The following PLD1 variants were observed in gnomAD, a reference collection of about 807,000 sequenced individuals.
PLD1 encodes the protein choline phosphatase 1.
A neutral mutation model predicts 137.1 loss-of-function variants in PLD1; 112 were observed. The ratio of observed to expected loss-of-function variants is 0.82; its 90% CI spans 0.70 to 0.96. PLD1 has a LOEUF of 0.96. PLD1 is among the 40% of genes least tolerant of loss of function. The probability of loss-of-function intolerance (pLI) is 0.00; values close to 1 mark genes in which losing one functional copy is unlikely to be tolerated. For missense variants in PLD1, 1,321 were observed against 1,342.0 expected (o/e 0.98, Z 0.24); for synonymous variants, 431 against 454.7 (o/e 0.95, Z 0.66).
intron 23 of PLD1, among the ~76,000 whole-genome samples, chr3:171,620,772 T>G (rs1296261829): frequency 1.5e-5 from 2 of 136,676 alleles, no homozygotes; most frequent in Non-Finnish European, 3.1e-5. Context: ...ATATATATTA[T>G]ATATATTTTT....
At chr3:171,639,645 A>C (rs1424748797) in intron 23 of PLD1, among the ~76,000 whole-genome samples, 9 of 113,578 alleles carry the variant, frequency 7.9e-5, no homozygotes, top group South Asian at 6.8e-4. Flanking sequence ...AATATATATT[A>C]TATATAATAT....
intron 18 of PLD1, among the ~76,000 whole-genome samples, chr3:171,675,007 A>G (rs1330569976): frequency 6.6e-6 from 1 of 151,182 alleles, no homozygotes; most frequent in African/African-American, 2.4e-5. Flanking sequence ...AAAGAAAAAG[A>G]AAAGAAAAGA....
chr3:171,714,143 A>C, intron 8 of PLD1, 98 bp from the exon 9 acceptor site: 1 of 701,642 alleles, frequency 1.4e-6, no homozygotes, highest in South Asian at 1.9e-5. Context: ...ACTCTGGCAG[A>C]CTGTAGACAT....
At chr3:171,747,437 T>C (rs1400719413) in intron 1 of PLD1, among the ~76,000 whole-genome samples, 1 of 151,936 alleles carries the variant, frequency 6.6e-6, no homozygotes, top group Non-Finnish European at 1.5e-5. Context: ...AATGACTGCT[T>C]TGCCTTCTTC....
intron 21 of PLD1, among the ~76,000 whole-genome samples, chr3:171,648,617 C>T (rs985217383): frequency 6.6e-6 from 1 of 150,982 alleles, no homozygotes; most frequent in Non-Finnish European, 1.5e-5. Flanking sequence ...TGCCGTGGTG[C>T]GATCTCGGCT....
intron 1 of PLD1, among the ~76,000 whole-genome samples, chr3:171,759,350 CAGATACTGA>C (rs1406810157): frequency 6.6e-6 from 1 of 152,168 alleles, no homozygotes; most frequent in Admixed American, 6.5e-5. Flanking sequence ...TGATGATATC[CAGATACTGA>C]AGATACTAAT....
At chr3:171,641,465 C>A (rs1211361828) in intron 23 of PLD1, among the ~76,000 whole-genome samples, 1 of 152,076 alleles carries the variant, frequency 6.6e-6, no homozygotes, top group African/African-American at 2.4e-5. Flanking sequence ...TATTTTCTAC[C>A]CACATTCCAG....
chr3:171,686,688 C>A lies in PLD1; in HGVS notation c.1864G>T (p.Ala622Ser), dbSNP rs2290480. The A allele has an allele frequency of 0.19, 290,980 of 1,510,072 alleles. 29,479 individuals carry two copies. Among genetic ancestry groups the A allele is most frequent in the South Asian group, 0.22 (19,160 of 85,792 alleles). 93.5% of individuals were successfully genotyped at this position (1,510,072 alleles called of 1,614,324 possible). A position where few individuals can be genotyped will look rare whatever the true frequency, so the allele number is the denominator to read the frequency against. ...TGCCACTTCACAAATTACTTACCAG[C>A]ATGAGGTCTAGTGAGTCCTTGCTCA... is the stretch of plus-strand genomic sequence containing the variant. ...ESEQGLTRPH[A>S]DTGSIRSLQT... Residue 622 changes from alanine to serine, a missense_variant, in exon 16 of 27, where the codon GCT (alanine) becomes TCT (serine). Coordinates refer to ENST00000351298, the MANE Select transcript of PLD1 (RefSeq NM_002662.5).
At position 171,644,938 on chromosome 3, in the gene PLD1, G is replaced by C. The variant is rs1736071138; in HGVS notation, c.2515C>G (p.Leu839Val). ...GDISTGGGNA[L>V]QAIMHFNYRT... is the part of the protein sequence containing the mutation. ...TAGTTGAAGTGCATGATTGCCTGTAGAGCATTTCCTCCGCCGGTTGAAATG... is the reference window on the plus strand; with the variant it reads ...TAGTTGAAGTGCATGATTGCCTGTACAGCATTTCCTCCGCCGGTTGAAATG... Residue 839 changes from leucine (L) to valine (V), a missense_variant, in exon 22 of 27, where the codon CTA (leucine) becomes GTA (valine). By Grantham distance (32) the Leu-to-Val change is conservative. Transcript: ENST00000351298. 6.2e-7 allele frequency: 1 copy of C among 1,612,798 alleles called. No individual in the cohort carries two copies. Among genetic ancestry groups the C allele is most frequent in the Non-Finnish European group, 8.5e-7 (1 of 1,178,768 alleles).
At chr3:171,626,225 T>C (rs1391419786) in intron 23 of PLD1, among the ~76,000 whole-genome samples, 2 of 152,282 alleles carry the variant, frequency 1.3e-5, no homozygotes, top group South Asian at 2.1e-4. Flanking sequence ...CAAGAGCCGA[T>C]GCGATCAACT....
At chr3:171,611,452 T>TTACAGC in intron 25 of PLD1, 1 of 373,834 alleles carries the variant, frequency 2.7e-6, no homozygotes, top group South Asian at 2.0e-5. Context: ...ACGTGGACAG[T>TTACAGC]TACAGCGCAG....
intron 12 of PLD1, among the ~76,000 whole-genome samples, chr3:171,697,557 C>A (rs1188134505): frequency 6.6e-6 from 1 of 152,136 alleles, no homozygotes; most frequent in Non-Finnish European, 1.5e-5. Flanking sequence ...AAAGCCTCTG[C>A]ATCCCAGCTG....
At chr3:171,637,399 C>T (rs1038652574) in intron 23 of PLD1, among the ~76,000 whole-genome samples, 1 of 113,738 alleles carries the variant, frequency 8.8e-6, no homozygotes, top group East Asian at 2.6e-4. Context: ...CCACGCCCAG[C>T]TAATTTTTGC....
At chr3:171,678,307 G>T (rs1036594391) in intron 16 of PLD1, among the ~76,000 whole-genome samples, 1 of 152,172 alleles carries the variant, frequency 6.6e-6, no homozygotes, top group Non-Finnish European at 1.5e-5. Flanking sequence ...GTAAAATGAA[G>T]AATTTGGCCT....
intron 16 of PLD1, among the ~76,000 whole-genome samples, chr3:171,685,060 C>T (rs1299163089): frequency 1.3e-5 from 2 of 152,204 alleles, no homozygotes; most frequent in South Asian, 2.1e-4. Flanking sequence ...ACATGCGGCC[C>T]GGGATGGCTT....
intron 23 of PLD1, among the ~76,000 whole-genome samples, chr3:171,639,734 C>T (rs919363454): frequency 7.6e-6 from 1 of 130,836 alleles, no homozygotes; most frequent in African/African-American, 2.9e-5. Flanking sequence ...TATATTCATA[C>T]ATATATCTTT....
At position 171,677,589 on chromosome 3, in the gene PLD1, A is replaced by G; in HGVS notation, c.1973T>C (p.Val658Ala). The G allele has an allele frequency of 6.2e-7, 1 of 1,614,084 alleles. No homozygotes were observed. Among genetic ancestry groups the G allele is most frequent in the Non-Finnish European group, 8.5e-7 (1 of 1,179,942 alleles). Reference protein sequence around the residue: ...DYCNFVFKDWVQLDKPFADFI... With the variant: ...DYCNFVFKDWAQLDKPFADFI... ...ACCAGCAAAAGGTTTATCAAGTTGA[A>G]CCCAGTCTTTGAAGACGAAATTGCA... Residue 658 changes from valine (V) to alanine (A), a missense_variant, in exon 17 of 27, where the codon GTT becomes GCT. By Grantham distance (64) the Val-to-Ala change is moderately conservative. Transcript: ENST00000351298.
chr3:171,776,389 G>T (rs1722592504), intron 1 of PLD1, among the ~76,000 whole-genome samples: 1 of 152,232 alleles, frequency 6.6e-6, no homozygotes, highest in Admixed American at 6.5e-5. Flanking sequence ...TTACAGGTAA[G>T]GCTAAGAATT....
chr3:171,649,137 C>T (rs1288105493), intron 21 of PLD1, among the ~76,000 whole-genome samples: 1 of 151,826 alleles, frequency 6.6e-6, no homozygotes, highest in East Asian at 1.9e-4. Flanking sequence ...AATGATTTTA[C>T]AAGGGAGATC....
Sources: allele counts gnomAD v4.1 joint callset (sites outside exome capture counted in the v4.1 genomes callset), GRCh38; gene constraint gnomAD v4.1.1; transcripts MANE v1.5; gene names NCBI Gene and HGNC (gene_info 2026-07-23, HGNC 2026-07-21).